The following NUFIP1 variants were observed in gnomAD, a reference collection of about 807,000 sequenced individuals.
NUFIP1 encodes FMR1-interacting protein NUFIP1.
NUFIP1 carries 38 observed loss-of-function variants against 56.2 expected under a neutral mutation model. The ratio of observed to expected loss-of-function variants is 0.68; its 90% CI spans 0.52 to 0.89. The LOEUF (loss-of-function observed/expected upper bound fraction) is 0.89. Ranked by LOEUF, NUFIP1 falls within the 40% of genes least tolerant of loss-of-function variation. The probability of loss-of-function intolerance (pLI) is 0.00; values close to 1 mark genes in which losing one functional copy is unlikely to be tolerated. For synonymous variants in NUFIP1, 215 were observed against 212.4 expected, an observed-to-expected ratio of 1.01 and a Z score of -0.10; for missense variants, 567 against 605.8, an observed-to-expected ratio of 0.94 and a Z score of 0.67.
At chr13:44,985,614 G>T (rs1872355632) in intron 1 of NUFIP1, among the ~76,000 whole-genome samples, 3 of 152,138 alleles carry the variant, frequency 2.0e-5, no homozygotes, top group Admixed American at 6.6e-5. Flanking sequence ...ATACTGATCT[G>T]TGATCAGTGA....
intron 7 of NUFIP1, among the ~76,000 whole-genome samples, chr13:44,950,328 A>C (rs956655182): frequency 4.6e-5 from 7 of 152,226 alleles, no homozygotes; most frequent in African/African-American, 1.7e-4. Context: ...TTAGTCAAAC[A>C]GTAATGCTGG....
At chr13:44,984,087 T>A (rs937747353) in intron 1 of NUFIP1, among the ~76,000 whole-genome samples, 30 of 152,310 alleles carry the variant, frequency 2.0e-4, no homozygotes, top group African/African-American at 6.3e-4. Flanking sequence ...CATACTCTGC[T>A]TCAGTCACAC....
intron 2 of NUFIP1, among the ~76,000 whole-genome samples, chr13:44,981,268 T>C (rs1044337530): frequency 2.0e-5 from 3 of 152,046 alleles, no homozygotes; most frequent in Non-Finnish European, 2.9e-5. Context: ...ATTGGAAAAT[T>C]TTTTTGGAGA....
chr13:44,976,139 A>G (rs979125768), intron 5 of NUFIP1, among the ~76,000 whole-genome samples: 18 of 152,322 alleles, frequency 1.2e-4, no homozygotes, highest in South Asian at 8.3e-4. Flanking sequence ...GAAAAAACCT[A>G]GTGTCTTAGC....
chr13:44,983,293 A>G (rs1232754592), intron 1 of NUFIP1, among the ~76,000 whole-genome samples: 1 of 152,128 alleles, frequency 6.6e-6, no homozygotes, highest in Non-Finnish European at 1.5e-5. Context: ...CTCCTGCCTC[A>G]GCCTCCCGAG....
rs188117671 is a variant in NUFIP1, at chr13:44,967,899, T to G, written c.735-1963A>C. Among the ~76,000 whole-genome samples the G allele has an allele frequency of 2.0e-5, 3 of 152,246 alleles. No individual in the cohort carries two copies. In the East Asian group the frequency reaches 5.8e-4, roughly 29 times the overall value. On this transcript the variant is annotated intron_variant, in intron 5 of 9. Transcript: ENST00000379161. ...GTCTGGCTGCTGATCAGAGTAAGTT[T>G]GGAGAAACATCAACAAATGTGTTCT...
chr13:44,987,681 C>T (rs1212488780), intron 1 of NUFIP1, among the ~76,000 whole-genome samples: 5 of 152,206 alleles, frequency 3.3e-5, no homozygotes, highest in African/African-American at 1.2e-4. Flanking sequence ...CCAACTACTT[C>T]TCACCATCCC....
At chr13:44,956,449 A>C (rs1871247351) in intron 7 of NUFIP1, among the ~76,000 whole-genome samples, 1 of 152,202 alleles carries the variant, frequency 6.6e-6, no homozygotes, top group Non-Finnish European at 1.5e-5. Flanking sequence ...ATGATTCAGC[A>C]CATTACACTT....
intron 1 of NUFIP1, among the ~76,000 whole-genome samples, chr13:44,983,713 C>G (rs906700282): frequency 1.3e-5 from 2 of 152,200 alleles, no homozygotes; most frequent in African/African-American, 4.8e-5. Flanking sequence ...GGGAGAATCA[C>G]TTGAGCCCAG....
chr13:44,958,550 C>T (rs552912248), intron 7 of NUFIP1, among the ~76,000 whole-genome samples: 1 of 152,258 alleles, frequency 6.6e-6, no homozygotes, highest in African/African-American at 2.4e-5. Context: ...TCTTTTCTTG[C>T]CACTCGTAAG....
intron 7 of NUFIP1, among the ~76,000 whole-genome samples, chr13:44,955,971 G>A (rs1340700507): frequency 1.3e-5 from 2 of 151,436 alleles, no homozygotes; most frequent in African/African-American, 4.9e-5. Context: ...GTGAAACCCC[G>A]TCTCTACTAA....
In NUFIP1 at chr13:44,973,443, C is replaced by T. The variant is rs149647788; in HGVS notation, c.734+5747G>A. 4.0e-3 allele frequency among the ~76,000 whole-genome samples: 614 copies of T among 152,338 alleles called. 5 individuals are homozygous for T. Among genetic ancestry groups the T allele is most frequent in the African/African-American group, 0.014 (581 of 41,576 alleles). On this transcript the variant is annotated intron_variant, in intron 5 of 9. Coordinates refer to ENST00000379161, the MANE Select transcript of NUFIP1 (RefSeq NM_012345.3). The stretch of plus-strand genomic sequence containing the variant: ...AGTCTCAGTAAGACTTCTCCAACCA[C>T]TTACTTGTGTGTACCAAAACAGAAT...
chr13:44,975,105 T>C (rs1301184977), intron 5 of NUFIP1, among the ~76,000 whole-genome samples: 1 of 152,202 alleles, frequency 6.6e-6, no homozygotes, highest in Non-Finnish European at 1.5e-5. Context: ...TCTACCTCTC[T>C]GGTTCCCACT....
chr13:44,951,595 T>C (rs1214028513), intron 7 of NUFIP1, among the ~76,000 whole-genome samples: 1 of 152,224 alleles, frequency 6.6e-6, no homozygotes, highest in Non-Finnish European at 1.5e-5. Context: ...GCTCCATTTC[T>C]TTCCTCCCTT....
intron 5 of NUFIP1, among the ~76,000 whole-genome samples, chr13:44,972,431 T>G (rs1244631489): frequency 6.6e-6 from 1 of 152,262 alleles, no homozygotes; most frequent in Non-Finnish European, 1.5e-5. Flanking sequence ...ATTCCATTTA[T>G]ATGATGTTGC....
chr13:44,959,240 C>T (rs1871338633), intron 7 of NUFIP1, 141 bp downstream of exon 7: 3 of 757,660 alleles, frequency 4.0e-6, no homozygotes, highest in Non-Finnish European at 6.2e-6. Context: ...CAAGATGCTC[C>T]TATTAAAAAC....
intron 9 of NUFIP1, among the ~76,000 whole-genome samples, chr13:44,941,540 G>A (rs1340594712): frequency 6.6e-6 from 1 of 152,220 alleles, no homozygotes; most frequent in Non-Finnish European, 1.5e-5. Context: ...TTGAGACGGA[G>A]TCTCGCTCTG....
chr13:44,980,059 C>A, intron 3 of NUFIP1, 107 bp from the exon 4 acceptor site: 1 of 774,680 alleles, frequency 1.3e-6, no homozygotes, highest in South Asian at 1.9e-5. Context: ...ACATAGTTAT[C>A]CCATCTGTAT....
At chr13:44,962,967 A>T (rs1279230329) in intron 6 of NUFIP1, among the ~76,000 whole-genome samples, 3 of 151,990 alleles carry the variant, frequency 2.0e-5, no homozygotes, top group Non-Finnish European at 2.9e-5. Context: ...GTTTAAGTAT[A>T]CTCTATGATA....
Sources: allele counts gnomAD v4.1 joint callset (sites outside exome capture counted in the v4.1 genomes callset), GRCh38; gene constraint gnomAD v4.1.1; transcripts MANE v1.5; gene names NCBI Gene and HGNC (gene_info 2026-07-23, HGNC 2026-07-21).